NTRK2: variants seen among roughly 807,000 people sequenced by gnomAD.
The protein encoded by NTRK2 is BDNF/NT-3 growth factors receptor.
Under a neutral mutation model 94.5 loss-of-function variants are expected in NTRK2, and 13 were observed. The observed-to-expected ratio is 0.14, with a 90% CI of 0.09 to 0.22. The LOEUF (loss-of-function observed/expected upper bound fraction) is 0.22. NTRK2 is among the 10% of genes least tolerant of loss of function. NTRK2 has a pLI of 1.00. For missense variants in NTRK2, 639 were observed against 1,071.2 expected, an observed-to-expected ratio of 0.60 and a Z score of 5.63; for synonymous variants, 372 against 407.4, an observed-to-expected ratio of 0.91 and a Z score of 1.05.
intron 12 of NTRK2, among the ~76,000 whole-genome samples, chr9:84,810,281 C>T (rs142397992): frequency 1.6e-4 from 24 of 152,278 alleles, no homozygotes; most frequent in African/African-American, 5.1e-4. Flanking sequence ...AGAAATCCTT[C>T]GCATTTCTTT....
chr9:84,691,815 G>A (rs1246229764), intron 2 of NTRK2, among the ~76,000 whole-genome samples: 4 of 152,056 alleles, frequency 2.6e-5, no homozygotes, highest in Non-Finnish European at 4.4e-5. Flanking sequence ...GTGACCAGAC[G>A]GCCTCCCCAG....
intron 14 of NTRK2, among the ~76,000 whole-genome samples, chr9:84,884,984 G>A (rs1399300983): frequency 6.6e-6 from 1 of 152,182 alleles, no homozygotes; most frequent in East Asian, 1.9e-4. Context: ...AGTAGAACAT[G>A]TAAAATATGT....
At chr9:84,680,120 A>T (rs1254158362) in intron 2 of NTRK2, among the ~76,000 whole-genome samples, 2 of 152,098 alleles carry the variant, frequency 1.3e-5, no homozygotes, top group Non-Finnish European at 2.9e-5. Flanking sequence ...ATAGTTTGTC[A>T]CATTTCCTGA....
At chr9:85,002,828 C>A (rs1485766342) in intron 17 of NTRK2, among the ~76,000 whole-genome samples, 3 of 152,236 alleles carry the variant, frequency 2.0e-5, no homozygotes, top group African/African-American at 7.2e-5. Context: ...AGAATCTCAC[C>A]ATGTCTTGAC....
At chr9:84,752,200 C>A (rs372823650) in intron 12 of NTRK2, 115 bp downstream of exon 12, 40 of 834,196 alleles carry the variant, frequency 4.8e-5, no homozygotes, top group East Asian at 1.9e-4. Flanking sequence ...GGTTTTAAGG[C>A]TAAAAAAATA....
Position 84,670,677 on chromosome 9 carries a change from C to G in NTRK2, c.-72C>G. 1 of 1,518,920 alleles carries G rather than the reference C, an allele frequency of 6.6e-7. No individual in the cohort carries two copies. Among genetic ancestry groups the G allele is most frequent in the Non-Finnish European group, 9.1e-7 (1 of 1,103,608 alleles). 94.1% of individuals were successfully genotyped at this position (1,518,920 alleles called of 1,614,324 possible). ...AGAGCCGCAAGCGCAGGGAAGGCCT[C>G]CCCGCACGGGTGGGGGAAAGCGGCC... is the stretch of plus-strand genomic sequence containing the variant. On this transcript the variant is annotated 5_prime_UTR_variant, in exon 2 of 19. Coordinates refer to ENST00000277120, the MANE Select transcript of NTRK2 (RefSeq NM_006180.6).
intron 14 of NTRK2, chr9:84,876,352 C>T (rs941425442): frequency 1.9e-6 from 2 of 1,051,982 alleles, no homozygotes; most frequent in African/African-American, 3.3e-5. Flanking sequence ...ACTAAGCAGC[C>T]ACCTGAATTG....
At chr9:84,883,309 A>G (rs2132231258) in intron 14 of NTRK2, among the ~76,000 whole-genome samples, 1 of 152,230 alleles carries the variant, frequency 6.6e-6, no homozygotes, top group African/African-American at 2.4e-5. Context: ...ACAGGCTTGT[A>G]CCTTGGTTGC....
chr9:84,917,786 C>T (rs754331809), intron 14 of NTRK2, among the ~76,000 whole-genome samples: 1 of 152,178 alleles, frequency 6.6e-6, no homozygotes, highest in Admixed American at 6.5e-5. Context: ...AGCTTGTTCA[C>T]TCCTCTGCTC....
intron 12 of NTRK2, among the ~76,000 whole-genome samples, chr9:84,759,679 T>G (rs1588420238): frequency 6.6e-6 from 1 of 152,352 alleles, no homozygotes; most frequent in East Asian, 1.9e-4. Context: ...CTCACATAGC[T>G]TATGGCCTAT....
intron 14 of NTRK2, among the ~76,000 whole-genome samples, chr9:84,896,475 C>T (rs1477766762): frequency 1.3e-5 from 2 of 152,182 alleles, no homozygotes; most frequent in Admixed American, 6.5e-5. Flanking sequence ...GTGAAACCCA[C>T]AGATTGGAAA....
intron 14 of NTRK2, among the ~76,000 whole-genome samples, chr9:84,896,643 C>A (rs951606959): frequency 2.6e-5 from 4 of 152,178 alleles, no homozygotes; most frequent in Non-Finnish European, 5.9e-5. Context: ...AAAAATAAAT[C>A]AAAATTTTAA....
intron 12 of NTRK2, among the ~76,000 whole-genome samples, chr9:84,766,695 A>G (rs566007596): frequency 6.6e-6 from 1 of 151,998 alleles, no homozygotes; most frequent in Admixed American, 6.6e-5. Context: ...CATAAAACAC[A>G]CACATACACA....
At position 84,955,489 on chromosome 9, in the gene NTRK2, G is replaced by A. The variant is rs2132979144; in HGVS notation, c.2144G>A (p.Arg715Gln). Residue 715 changes from arginine (R) to glutamine (Q), a missense_variant, in exon 17 of 19, where the codon CGG becomes CAG. Transcript: ENST00000277120. ...AAAATCGGGGACTTTGGGATGTCCC[G>A]GGACGTGTACAGCACTGACTACTAC... ...LVKIGDFGMSRDVYSTDYYRV... is the reference protein window; with the variant it reads ...LVKIGDFGMSQDVYSTDYYRV... 6.2e-7 allele frequency: 1 copy of A among 1,614,176 alleles called. No individual in the cohort carries two copies. Among genetic ancestry groups the A allele is most frequent in the Non-Finnish European group, 8.5e-7 (1 of 1,180,006 alleles).
chr9:84,703,529 CTCTT>C (rs1336225272), intron 4 of NTRK2, among the ~76,000 whole-genome samples: 1 of 152,134 alleles, frequency 6.6e-6, no homozygotes, highest in African/African-American at 2.4e-5. Flanking sequence ...AAGGTTCGTC[CTCTT>C]TCTTTTTTTT....
chr9:84,822,972 A>T (rs1161084772), intron 12 of NTRK2, among the ~76,000 whole-genome samples: 1 of 152,042 alleles, frequency 6.6e-6, no homozygotes, highest in Non-Finnish European at 1.5e-5. Context: ...AAACACAATG[A>T]CCAACCTACA....
intron 15 of NTRK2, among the ~76,000 whole-genome samples, chr9:84,947,851 G>T (rs1332078529): frequency 1.3e-5 from 2 of 152,180 alleles, no homozygotes; most frequent in Non-Finnish European, 2.9e-5. Context: ...TATCTAAGCA[G>T]AGAACTAAAG....
intron 12 of NTRK2, among the ~76,000 whole-genome samples, chr9:84,817,284 A>G (rs940749869): frequency 2.0e-5 from 3 of 152,182 alleles, no homozygotes; most frequent in African/African-American, 7.2e-5. Context: ...AATAATGGAA[A>G]CCAAATGAAA....
chr9:84,728,823 C>G (rs1465415499), intron 9 of NTRK2, among the ~76,000 whole-genome samples: 1 of 152,216 alleles, frequency 6.6e-6, no homozygotes, highest in Admixed American at 6.5e-5. Flanking sequence ...GCTTCAGGAA[C>G]AGTGGGACAA....
Sources: gnomAD v4.1 joint callset for allele counts (sites outside exome capture counted in the v4.1 genomes callset) on GRCh38, gnomAD v4.1.1 for gene constraint, MANE v1.5 for transcripts, NCBI Gene and HGNC (gene_info 2026-07-23, HGNC 2026-07-21) for gene names.